The following L2HGDH variants were observed in gnomAD, a reference collection of about 807,000 sequenced individuals.
L2HGDH encodes L-2-hydroxyglutarate dehydrogenase.
A neutral mutation model predicts 51.5 loss-of-function variants in L2HGDH; 34 were observed. That is an observed-to-expected ratio of 0.66 (90% confidence interval 0.50 to 0.88). The LOEUF is 0.88. L2HGDH is among the 40% of genes least tolerant of loss of function. The pLI, the probability that L2HGDH is intolerant of heterozygous loss-of-function variation, is 0.00. For synonymous variants in L2HGDH, 198 were observed against 197.9 expected, an observed-to-expected ratio of 1.00 and a Z score of -0.01; for missense variants, 558 against 571.9, an observed-to-expected ratio of 0.98 and a Z score of 0.25.
intron 3 of L2HGDH, among the ~76,000 whole-genome samples, chr14:50,298,632 T>A (rs2030221920): frequency 6.6e-6 from 1 of 152,074 alleles, no homozygotes; most frequent in African/African-American, 2.4e-5. Flanking sequence ...AAGGCTGCAG[T>A]GATCTGTGAG....
intron 1 of L2HGDH, among the ~76,000 whole-genome samples, chr14:50,304,574 G>A (rs550782171): frequency 1.3e-5 from 2 of 152,218 alleles, no homozygotes; most frequent in East Asian, 3.9e-4. Flanking sequence ...GGTGGCTCAC[G>A]CCTGTAATCC....
At chr14:50,300,496 T>C (rs958043352) in intron 3 of L2HGDH, among the ~76,000 whole-genome samples, 2 of 152,040 alleles carry the variant, frequency 1.3e-5, no homozygotes, top group African/African-American at 2.4e-5. Flanking sequence ...GGTTTCACCA[T>C]GTTGGCCAGG....
At chr14:50,270,492 TTTGTTGTTGTTG>T (rs145385696) in intron 6 of L2HGDH, among the ~76,000 whole-genome samples, 11 of 150,628 alleles carry the variant, frequency 7.3e-5, no homozygotes, top group African/African-American at 1.7e-4. Flanking sequence ...GCCTTACTGT[TTTGTTGTTGTTG>T]TTGTTGTTGT....
At chr14:50,248,065 G>C (rs937927274) in intron 9 of L2HGDH, among the ~76,000 whole-genome samples, 6 of 152,124 alleles carry the variant, frequency 3.9e-5, no homozygotes. Flanking sequence ...CTCCCAAAAT[G>C]ATGGGATTAT....
chr14:50,267,779 T>C lies in L2HGDH; in HGVS notation c.1038A>G (p.Thr346=), dbSNP rs1159319291. The part of the protein sequence containing the change: ...EGYRPFDFSA[T]DVMDIIINSG... ...TATTGATAATTATATCCATAACATC[T>C]GTGGCACTGAAGTCAAAGGGTCTGT... The change falls in exon 8 of 10, where the codon ACA becomes ACG. Residue 346 remains threonine, a synonymous_variant. Coordinates refer to ENST00000267436, the MANE Select transcript of L2HGDH (RefSeq NM_024884.3). The C allele has an allele frequency of 6.2e-7, 1 of 1,612,438 alleles. No homozygotes were observed. Among genetic ancestry groups the C allele is most frequent in the East Asian group, 2.2e-5 (1 of 44,874 alleles).
Position 50,299,280 on chromosome 14 carries a change from A to G in L2HGDH, c.408+2737T>C, listed in dbSNP as rs751412495. Among the ~76,000 whole-genome samples, 95 of 152,220 alleles carry G rather than the reference A, an allele frequency of 6.2e-4. 1 individual carries two copies. The highest frequency in any genetic ancestry group is 1.9e-4 in the Non-Finnish European group (13 of 68,030). ...CCTACCAAGATTGAACCATGAAGAA[A>G]TCCAAAACCTGAACAAACCAATAAA... is the stretch of plus-strand genomic sequence containing the variant. On this transcript the variant is annotated intron_variant, in intron 3 of 9. Coordinates refer to ENST00000267436, the MANE Select transcript of L2HGDH (RefSeq NM_024884.3).
chr14:50,262,998 C>T (rs181739690), intron 9 of L2HGDH, among the ~76,000 whole-genome samples: 1 of 152,200 alleles, frequency 6.6e-6, no homozygotes, highest in African/African-American at 2.4e-5. Context: ...CACACCCTTA[C>T]ACCCAGAGAC....
intron 2 of L2HGDH, among the ~76,000 whole-genome samples, chr14:50,302,564 A>G (rs540220933): frequency 2.3e-4 from 35 of 152,358 alleles, no homozygotes; most frequent in African/African-American, 8.4e-4. Context: ...CCTGGGAAAT[A>G]CTACATTGCT....
In L2HGDH at chr14:50,260,144, G is replaced by C. The variant is rs76948151; in HGVS notation, c.1196+5214C>G. On this transcript the variant is annotated intron_variant, in intron 9 of 9. Coordinates refer to ENST00000267436, the MANE Select transcript of L2HGDH (RefSeq NM_024884.3). ...TTGAGGGATTCTAGATTTTGGGGAA[G>C]ATTCCTCCCACTCCCCATCCCCAAG... Among the ~76,000 whole-genome samples, 860 of 152,244 alleles carry C rather than the reference G, an allele frequency of 5.6e-3. 3 individuals are homozygous for C. Among genetic ancestry groups the C allele is most frequent in the Non-Finnish European group, 9.7e-3 (661 of 68,018 alleles).
intron 4 of L2HGDH, among the ~76,000 whole-genome samples, chr14:50,292,839 G>T (rs997561344): frequency 6.6e-6 from 1 of 151,998 alleles, no homozygotes; most frequent in South Asian, 2.1e-4. Flanking sequence ...AAGCCGAGAT[G>T]GTGGCACTGC....
At chr14:50,311,874 C>T (rs895688305) in intron 1 of L2HGDH, 137 bp downstream of exon 1, 54 of 1,192,762 alleles carry the variant, frequency 4.5e-5, no homozygotes, top group Non-Finnish European at 5.6e-5. Flanking sequence ...TCCTGGGATC[C>T]GAGGTTGGAG....
In L2HGDH at chr14:50,245,437, T is replaced by C; in HGVS notation, c.*1621A>G. Reference sequence around the variant, plus strand: ...CTGTTTAGATTTCATGATGATACCATACCACATCAGTTACAAAGAGACTGG... The same window carrying C: ...CTGTTTAGATTTCATGATGATACCACACCACATCAGTTACAAAGAGACTGG... On this transcript the variant is annotated 3_prime_UTR_variant, in exon 10 of 10. Transcript: ENST00000267436. 1 of 984,936 alleles carries C rather than the reference T, an allele frequency of 1.0e-6. No individual in the cohort carries two copies. Among genetic ancestry groups the C allele is most frequent in the South Asian group, 4.7e-5 (1 of 21,286 alleles). 61.0% of individuals were successfully genotyped at this position (984,936 alleles called of 1,614,324 possible).
At chr14:50,298,942 C>T (rs941749467) in intron 3 of L2HGDH, among the ~76,000 whole-genome samples, 1 of 151,976 alleles carries the variant, frequency 6.6e-6, no homozygotes, top group Admixed American at 6.6e-5. Flanking sequence ...AGCAAGAGCA[C>T]ACCAAATTCA....
intron 1 of L2HGDH, among the ~76,000 whole-genome samples, chr14:50,309,789 C>A (rs537790873): frequency 6.6e-6 from 1 of 151,654 alleles, no homozygotes; most frequent in South Asian, 2.1e-4. Flanking sequence ...CTCAAGCGAT[C>A]CTCCTGCCTC....
At chr14:50,296,381 A>AT (rs2030051135) in intron 3 of L2HGDH, among the ~76,000 whole-genome samples, 1 of 149,786 alleles carries the variant, frequency 6.7e-6, no homozygotes, top group Admixed American at 6.6e-5. Flanking sequence ...TCAAAAAAAA[A>AT]AAAAAAAAAA....
chr14:50,287,347 GC>G, intron 4 of L2HGDH: 1 of 979,900 alleles, frequency 1.0e-6, no homozygotes, highest in South Asian at 4.7e-5. Context: ...TACACAACAG[GC>G]AACAATCAGA....
Position 50,245,373 on chromosome 14 carries a change from C to G in L2HGDH, c.*1685G>C. The G allele has an allele frequency of 1.0e-6, 1 of 985,362 alleles. No individual in the cohort carries two copies. The highest frequency in any genetic ancestry group is 1.2e-6 in the Non-Finnish European group (1 of 829,916). 61.0% of individuals were successfully genotyped at this position (985,362 alleles called of 1,614,324 possible). A position where few individuals can be genotyped will look rare whatever the true frequency, so the allele number is the denominator to read the frequency against. On this transcript the variant is annotated 3_prime_UTR_variant, in exon 10 of 10. Transcript: ENST00000267436. ...CTTCTAAGTTATTTCAGTTCTCAGC[C>G]ACAGAGATTGAAGAACAGGACAACC...
chr14:50,270,636 A>G (rs1889622982), intron 6 of L2HGDH, among the ~76,000 whole-genome samples: 1 of 152,094 alleles, frequency 6.6e-6, no homozygotes, highest in African/African-American at 2.4e-5. Context: ...CCTTCCGAGT[A>G]GCCGGAACTA....
At chr14:50,271,030 T>C (rs1223999871) in intron 6 of L2HGDH, among the ~76,000 whole-genome samples, 3 of 152,178 alleles carry the variant, frequency 2.0e-5, no homozygotes, top group Non-Finnish European at 2.9e-5. Context: ...TCTTGCTCCA[T>C]TACCCAGGCT....
Sources: allele counts gnomAD v4.1 joint callset (sites outside exome capture counted in the v4.1 genomes callset), GRCh38; gene constraint gnomAD v4.1.1; transcripts MANE v1.5; gene names NCBI Gene and HGNC (gene_info 2026-07-23, HGNC 2026-07-21).